Variants in CHSY3 observed in about 807,000 individuals in gnomAD.
The protein encoded by CHSY3 is chondroitin sulfate synthase 3.
A neutral mutation model predicts 67.2 loss-of-function variants in CHSY3; 35 were observed. That is an observed-to-expected ratio of 0.52 (90% CI 0.40 to 0.69). The LOEUF (loss-of-function observed/expected upper bound fraction) is 0.69, where lower values mean the gene tolerates loss of function less well. CHSY3 is among the 30% of genes least tolerant of loss of function. The pLI is 0.00. For missense variants in CHSY3, 1,069 were observed against 1,138.5 expected, an observed-to-expected ratio of 0.94 and a Z score of 0.88; for synonymous variants, 474 against 434.7, an observed-to-expected ratio of 1.09 and a Z score of -1.12.
intron 2 of CHSY3, among the ~76,000 whole-genome samples, chr5:130,025,515 T>C (rs1764515905): frequency 6.6e-6 from 1 of 152,036 alleles, no homozygotes; most frequent in African/African-American, 2.4e-5. Context: ...GAAACAGTGA[T>C]ATTGTCTTAG....
At chr5:130,161,270 C>T (rs986641560) in intron 2 of CHSY3, among the ~76,000 whole-genome samples, 17 of 152,062 alleles carry the variant, frequency 1.1e-4, no homozygotes, top group Non-Finnish European at 2.4e-4. Flanking sequence ...AGAAATGTTA[C>T]CTTTTAATTT....
chr5:130,109,737 G>A (rs1767532140), intron 2 of CHSY3, among the ~76,000 whole-genome samples: 1 of 151,614 alleles, frequency 6.6e-6, no homozygotes, highest in South Asian at 2.1e-4. Flanking sequence ...ATGAATATCG[G>A]GAAATATTAG....
rs115438196 is a variant in CHSY3 at position 130,022,036 on chromosome 5, G to C, written c.1086+113676G>C. On this transcript the variant is annotated intron_variant, in intron 2 of 2. Coordinates refer to ENST00000305031, the MANE Select transcript of CHSY3 (RefSeq NM_175856.5). ...AATGAATTAGGTCATTTGCTGGGAAGGTAGATTAAATTTCTTCTGTGTTCT... is the reference window on the plus strand; with the variant it reads ...AATGAATTAGGTCATTTGCTGGGAACGTAGATTAAATTTCTTCTGTGTTCT... Among the ~76,000 whole-genome samples, 369 of 152,108 alleles carry C rather than the reference G, an allele frequency of 2.4e-3. 1 individual carries two copies. Among genetic ancestry groups the C allele is most frequent in the African/African-American group, 7.6e-3 (316 of 41,532 alleles).
chr5:130,029,414 T>C (rs1764645542), intron 2 of CHSY3, among the ~76,000 whole-genome samples: 1 of 152,030 alleles, frequency 6.6e-6, no homozygotes, highest in Admixed American at 6.6e-5. Flanking sequence ...AGGTTGTATA[T>C]CAACTAAGCA....
At chr5:130,090,091 C>T (rs1237023553) in intron 2 of CHSY3, among the ~76,000 whole-genome samples, 7 of 152,064 alleles carry the variant, frequency 4.6e-5, no homozygotes, top group Non-Finnish European at 1.0e-4. Flanking sequence ...GTACTAATAC[C>T]AAAACTTCAG....
chr5:130,186,336 T>C lies in CHSY3; in HGVS notation c.*545T>C, dbSNP rs1296857309. 1 of 152,628 alleles carries C rather than the reference T, an allele frequency of 6.6e-6. No homozygotes were observed. The highest frequency in any genetic ancestry group is 1.9e-4 in the East Asian group (1 of 5,218). The allele number at this position is 152,628 out of a possible 1,614,324, so 9.5% of individuals were successfully genotyped here. ...AGAATTTTTAAAGTAAATGAATACC[T>C]ATGATTGTATGTTTATTTTTTAAAA... On this transcript the variant is annotated 3_prime_UTR_variant, in exon 3 of 3. Coordinates refer to ENST00000305031, the MANE Select transcript of CHSY3 (RefSeq NM_175856.5).
chr5:129,930,332 CAAA>C (rs57461404), intron 2 of CHSY3, among the ~76,000 whole-genome samples: 6 of 74,242 alleles, frequency 8.1e-5, no homozygotes, highest in Non-Finnish European at 5.7e-5. Flanking sequence ...GACTCTATCT[CAAA>C]AAAAAAAAAA....
chr5:130,129,872 C>T (rs546617304), intron 2 of CHSY3, among the ~76,000 whole-genome samples: 4 of 152,148 alleles, frequency 2.6e-5, no homozygotes, highest in African/African-American at 9.6e-5. Context: ...CTCTAAAAGC[C>T]GTCAAGCACT....
intron 2 of CHSY3, among the ~76,000 whole-genome samples, chr5:130,077,210 G>GA (rs1398378163): frequency 6.6e-6 from 1 of 151,976 alleles, no homozygotes; most frequent in Admixed American, 6.6e-5. Context: ...CATGTGGCCA[G>GA]AAGAAGTATG....
Position 130,185,539 on chromosome 5 carries a change from A to C in CHSY3, c.2397A>C (p.Ser799=). Residue 799 remains serine, a synonymous_variant, in exon 3 of 3, where the codon TCA becomes TCC. Transcript: ENST00000305031. Reference sequence around the variant, plus strand: ...TAGGTGCAGGTGGATTTGATACCTCAATACAAGGCTGGGGACTAGAAGATG... The same window carrying C: ...TAGGTGCAGGTGGATTTGATACCTCCATACAAGGCTGGGGACTAGAAGATG... The part of the protein sequence containing the change: ...DLLGAGGFDT[S]IQGWGLEDVD... 1 of 1,614,190 alleles carries C rather than the reference A, an allele frequency of 6.2e-7. No homozygotes were observed. The highest frequency in any genetic ancestry group is 8.5e-7 in the Non-Finnish European group (1 of 1,180,004).
At chr5:130,154,668 T>A (rs1432823336) in intron 2 of CHSY3, among the ~76,000 whole-genome samples, 1 of 152,208 alleles carries the variant, frequency 6.6e-6, no homozygotes, top group Non-Finnish European at 1.5e-5. Flanking sequence ...TCATTAATAG[T>A]AATATGTTAA....
At chr5:130,139,079 TA>T (rs1358625069) in intron 2 of CHSY3, among the ~76,000 whole-genome samples, 2 of 152,180 alleles carry the variant, frequency 1.3e-5, no homozygotes, top group African/African-American at 2.4e-5. Context: ...TAGGCAACAG[TA>T]AGACAATGGA....
intron 2 of CHSY3, chr5:130,141,162 C>G (rs2149719308): frequency 2.4e-6 from 1 of 419,438 alleles, no homozygotes; most frequent in Non-Finnish European, 4.7e-6. Flanking sequence ...GCCATCCTAT[C>G]TGGAAGCAAA....
At chr5:130,130,980 A>G (rs1238124836) in intron 2 of CHSY3, among the ~76,000 whole-genome samples, 1 of 152,154 alleles carries the variant, frequency 6.6e-6, no homozygotes, top group Non-Finnish European at 1.5e-5. Context: ...GGTGCTTCTC[A>G]GAGCTTGCTT....
chr5:129,979,766 C>G (rs1375999833), intron 2 of CHSY3, among the ~76,000 whole-genome samples: 3 of 152,176 alleles, frequency 2.0e-5, no homozygotes, highest in Non-Finnish European at 4.4e-5. Context: ...CCTCTATCCC[C>G]CAGTCCCTGG....
chr5:130,138,904 T>C (rs1768762771), intron 2 of CHSY3, among the ~76,000 whole-genome samples: 3 of 152,182 alleles, frequency 2.0e-5, no homozygotes, highest in African/African-American at 4.8e-5. Flanking sequence ...TCTGAGAATA[T>C]GTTCTGAGAA....
chr5:130,103,283 C>T (rs533260243), intron 2 of CHSY3, among the ~76,000 whole-genome samples: 15 of 151,998 alleles, frequency 9.9e-5, no homozygotes, highest in Admixed American at 2.6e-4. Context: ...GGGTCATACA[C>T]AATCCAGAAG....
chr5:130,125,471 A>C (rs1469077415), intron 2 of CHSY3, among the ~76,000 whole-genome samples: 3 of 152,172 alleles, frequency 2.0e-5, no homozygotes, highest in Non-Finnish European at 4.4e-5. Flanking sequence ...AGACAGACAG[A>C]TGGATTTAAT....
Position 130,185,341 on chromosome 5 carries a change from C to T in CHSY3, c.2199C>T (p.Asp733=). The T allele has an allele frequency of 6.2e-7, 1 of 1,606,022 alleles. No individual in the cohort carries two copies. Among genetic ancestry groups the T allele is most frequent in the Non-Finnish European group, 8.5e-7 (1 of 1,172,684 alleles). ...AAGATTTTCTCCAACGATGTAGAGA[C>T]AATACAATTCAGGGACAACAGGTGT... ...FREDFLQRCR[D]NTIQGQQVYY... Residue 733 remains aspartate, a synonymous_variant, in exon 3 of 3, where the codon GAC becomes GAT. Transcript: ENST00000305031.
Sources: allele counts gnomAD v4.1 joint callset (sites outside exome capture counted in the v4.1 genomes callset), GRCh38; gene constraint gnomAD v4.1.1; transcripts MANE v1.5; gene names NCBI Gene and HGNC (gene_info 2026-07-23, HGNC 2026-07-21).